The following FBXW5 variants were observed in gnomAD, a reference collection of about 807,000 sequenced individuals.
FBXW5 encodes F-box/WD repeat-containing protein 5.
A neutral mutation model predicts 50.9 loss-of-function variants in FBXW5; 74 were observed. The ratio of observed to expected loss-of-function variants is 1.45; its 90% CI spans 1.20 to 1.76. FBXW5 has a LOEUF of 1.76. Ranked by LOEUF, FBXW5 falls within the 40% of genes most tolerant of loss-of-function variation. FBXW5 has a pLI of 0.00. For synonymous variants in FBXW5, 523 were observed against 362.2 expected (o/e 1.44, Z -5.04); for missense variants, 1,073 against 818.8 (o/e 1.31, Z -3.79).
At chr9:136,943,795 G>A in intron 2 of FBXW5, 96 bp downstream of exon 2, 1 of 1,352,256 alleles carries the variant, frequency 7.4e-7, no homozygotes, top group Middle Eastern at 2.5e-4. Flanking sequence ...GGACACGCGG[G>A]GCCGCGGGGC....
Position 136,940,777 on chromosome 9 carries a change from GGTTT to G in FBXW5, c.*147_*150del. On this transcript the variant is annotated 3_prime_UTR_variant, in exon 9 of 9. Coordinates refer to ENST00000325285, the MANE Select transcript of FBXW5 (RefSeq NM_018998.4). Reference sequence around the variant, plus strand: ...GCCAAGCATCACAGCTGCGTGAGCAGGTTTGTGTGTGAGCGTGTGGCGGGGCCTG... The same window carrying G: ...GCCAAGCATCACAGCTGCGTGAGCAGGTGTGTGAGCGTGTGGCGGGGCCTG... The G allele has an allele frequency of 8.0e-7, 1 of 1,248,456 alleles. No individual in the cohort carries two copies. The highest frequency in any genetic ancestry group is 1.1e-6 in the Non-Finnish European group (1 of 921,526). The allele number at this position is 1,248,456 out of a possible 1,614,324, so 77.3% of individuals were successfully genotyped here.
chr9:136,944,228 G>A lies in FBXW5; in HGVS notation c.-23-122C>T, dbSNP rs572084675. On this transcript the variant is annotated intron_variant, in intron 1 of 8. Transcript: ENST00000325285. ...TCCACGGGGCTGCGTGTCTGCAGGGGACGCCCGGGTACCGCCGCCCAACCA... is the reference window on the plus strand; with the variant it reads ...TCCACGGGGCTGCGTGTCTGCAGGGAACGCCCGGGTACCGCCGCCCAACCA... 1.2e-5 allele frequency: 14 copies of A among 1,152,508 alleles called. No homozygotes were observed. In the East Asian group the frequency reaches 3.6e-4, roughly 30 times the overall value. The allele number at this position is 1,152,508 out of a possible 1,614,324, so 71.4% of individuals were successfully genotyped here.
At chr9:136,944,529 C>T (rs1416407249) in intron 1 of FBXW5, 65 bp downstream of exon 1, 22 of 984,114 alleles carry the variant, frequency 2.2e-5, no homozygotes, top group Non-Finnish European at 2.7e-5. Context: ...CTCGGGGCTC[C>T]TGCACTCGCC....
At chr9:136,944,399 G>A (rs1850951731) in intron 1 of FBXW5, 195 bp downstream of exon 1, 1 of 775,874 alleles carries the variant, frequency 1.3e-6, no homozygotes, top group Non-Finnish European at 1.6e-6. Flanking sequence ...CGCCGTCCGG[G>A]GACGGGCTTC....
Position 136,943,955 on chromosome 9 carries a change from C to G in FBXW5, c.129G>C (p.Glu43Asp). The G allele has an allele frequency of 6.4e-7, 1 of 1,560,336 alleles. No individual in the cohort carries two copies. Among genetic ancestry groups the G allele is most frequent in the Non-Finnish European group, 8.7e-7 (1 of 1,153,322 alleles). Residue 43 changes from glutamate to aspartate, a missense_variant, in exon 2 of 9, where the codon GAG (glutamate) becomes GAC (aspartate). Coordinates refer to ENST00000325285, the MANE Select transcript of FBXW5 (RefSeq NM_018998.4). ...CRQWQAVSRD[E>D]FLWREQFYRY... is the part of the protein sequence containing the mutation. The stretch of plus-strand genomic sequence containing the variant: ...GGTAGAACTGCTCCCTCCACAGGAA[C>G]TCGTCCCGCGACACGGCCTGCCATT...
At chr9:136,943,857 CAGAACG>C in intron 2 of FBXW5, 28 bp downstream of exon 2, 1 of 1,545,526 alleles carries the variant, frequency 6.5e-7, no homozygotes, top group Non-Finnish European at 8.7e-7. Context: ...GCCCTGGCTG[CAGAACG>C]TGGGTAGGGG....
rs1160846275 is a variant in FBXW5 at position 136,943,456 on chromosome 9, A to G, written c.244T>C (p.Cys82Arg). 3 of 1,612,794 alleles carry G rather than the reference A, an allele frequency of 1.9e-6. No homozygotes were observed. Among genetic ancestry groups the G allele is most frequent in the Non-Finnish European group, 2.5e-6 (3 of 1,179,926 alleles). The change falls in exon 3 of 9, where the codon TGC becomes CGC. Residue 82 changes from cysteine (C) to arginine (R), a missense_variant. Cys to Arg is a radical substitution (Grantham distance 180). Transcript: ENST00000325285. The stretch of plus-strand genomic sequence containing the variant: ...TCCCGCAGCGTCTGCACCTCCACGC[A>G]GGGCACCGTGTCATACAGCCGCTGG... ...EFQRLYDTVP[C>R]VEVQTLREHT...
At chr9:136,943,779 G>T (rs1185713435) in intron 2 of FBXW5, 112 bp downstream of exon 2, 16 of 1,243,956 alleles carry the variant, frequency 1.3e-5, no homozygotes, top group Admixed American at 2.4e-5. Context: ...GTGGGGGGGT[G>T]AGCATGGACA....
Position 136,940,906 on chromosome 9 carries a change from G to A in FBXW5, c.*22C>T, listed in dbSNP as rs1446920272. ...GCGATGTCCTCAAGGGGTCCCGGTG[G>A]CTCCAGTGCACCCAGCACACCTCAG... On this transcript the variant is annotated 3_prime_UTR_variant, in exon 9 of 9. Transcript: ENST00000325285. The A allele has an allele frequency of 8.3e-6, 13 of 1,571,260 alleles. No individual in the cohort carries two copies. Among genetic ancestry groups the A allele is most frequent in the African/African-American group, 1.3e-5 (1 of 74,090 alleles).
chr9:136,942,101 C>T lies in FBXW5; in HGVS notation c.1041G>A (p.Lys347=). The T allele has an allele frequency of 6.2e-7, 1 of 1,612,932 alleles. No homozygotes were observed. Among genetic ancestry groups the T allele is most frequent in the South Asian group, 1.1e-5 (1 of 90,874 alleles). The part of the protein sequence containing the change: ...KPPERSATGA[K]SKYLIFTTGC... ...CAGTGGTGAAGATGAGGTACTTGCT[C>T]TTGGCGCCTGTGGCACTGCGCTCGG... The change falls in exon 6 of 9, where the codon AAG becomes AAA. Residue 347 remains lysine (K), a synonymous_variant. Coordinates refer to ENST00000325285, the MANE Select transcript of FBXW5 (RefSeq NM_018998.4).
chr9:136,943,864 T>G (rs1013966737), intron 2 of FBXW5, 27 bp downstream of exon 2: 1 of 1,546,894 alleles, frequency 6.5e-7, no homozygotes, highest in Non-Finnish European at 8.7e-7. Flanking sequence ...CTGCAGAACG[T>G]GGGTAGGGGC....
intron 6 of FBXW5, 63 bp from the exon 7 acceptor site, chr9:136,941,747 C>T: frequency 6.9e-7 from 1 of 1,448,124 alleles, no homozygotes; most frequent in Non-Finnish European, 9.3e-7. Context: ...TCCAGGGCAG[C>T]TTCCTACCTC....
rs185264848 is a variant in FBXW5, at chr9:136,941,719, A to G, written c.1097-35T>C. 155 of 1,538,824 alleles carry G rather than the reference A, an allele frequency of 1.0e-4. No homozygotes were observed. The African/African-American group carries it at 1.1e-3, about 11-fold the overall frequency. On this transcript the variant is annotated intron_variant, in intron 6 of 8. Coordinates refer to ENST00000325285, the MANE Select transcript of FBXW5 (RefSeq NM_018998.4). Reference sequence around the variant, plus strand: ...GGGCTACGGTGAGGGTCCCTGTCCAATGCCCCAAGGACATCACTCCAGGGC... The same window carrying G: ...GGGCTACGGTGAGGGTCCCTGTCCAGTGCCCCAAGGACATCACTCCAGGGC...
intron 3 of FBXW5, 96 bp downstream of exon 3, chr9:136,943,253 C>CA: frequency 8.4e-7 from 1 of 1,196,062 alleles, no homozygotes; most frequent in Non-Finnish European, 1.2e-6. Flanking sequence ...GACCCACCCC[C>CA]CCCCCCACCA....
In FBXW5 at chr9:136,943,342, T is replaced by C; in HGVS notation, c.351+7A>G. On this transcript the variant is annotated splice_region_variant and intron_variant, in intron 3 of 8. Transcript: ENST00000325285. ...GTGGGGTGTGCAGGACACCTGGCCG[T>C]CCTCACCTTCACAGTGCAGTCCTTG... The C allele has an allele frequency of 6.3e-7, 1 of 1,583,270 alleles. No individual in the cohort carries two copies. Among genetic ancestry groups the C allele is most frequent in the South Asian group, 1.1e-5 (1 of 90,630 alleles).
chr9:136,940,651 C>G lies in FBXW5; in HGVS notation c.*277G>C. 1 of 489,128 alleles carries G rather than the reference C, an allele frequency of 2.0e-6. No individual in the cohort carries two copies. Among genetic ancestry groups the G allele is most frequent in the South Asian group, 2.2e-5 (1 of 46,178 alleles). 30.3% of individuals were successfully genotyped at this position (489,128 alleles called of 1,614,324 possible). A position where few individuals can be genotyped will look rare whatever the true frequency, so the allele number is the denominator to read the frequency against. ...CCAGCTGGGTCAGGTGTACCCCTAG[C>G]CTGGGGTTGAGTGAGGAGCGGCACC... On this transcript the variant is annotated 3_prime_UTR_variant, in exon 9 of 9. Coordinates refer to ENST00000325285, the MANE Select transcript of FBXW5 (RefSeq NM_018998.4).
At chr9:136,941,958 C>A in intron 6 of FBXW5, 88 bp downstream of exon 6, 1 of 1,468,894 alleles carries the variant, frequency 6.8e-7, no homozygotes, top group Non-Finnish European at 9.0e-7. Context: ...TGCCTGTGGA[C>A]TTGCTTGCTG....
In FBXW5 at chr9:136,943,897, G is replaced by A; in HGVS notation, c.187C>T (p.His63Tyr). Residue 63 changes from histidine to tyrosine, a missense_variant, in exon 2 of 9, where the codon CAC (histidine) becomes TAC (tyrosine). Coordinates refer to ENST00000325285, the MANE Select transcript of FBXW5 (RefSeq NM_018998.4). ...GGCCCCACACGCCACTGACCTGGGT[G>A]TCGGGGCACGTCGCGGGCCACCTGG... ...YYQVARDVPR[H>Y]PAAMSWYEEF... The A allele has an allele frequency of 6.5e-7, 1 of 1,549,888 alleles. No individual in the cohort carries two copies. The highest frequency in any genetic ancestry group is 1.2e-5 in the South Asian group (1 of 84,066).
At position 136,940,477 on chromosome 9, in the gene FBXW5, C is replaced by T. The variant is rs1010728747; in HGVS notation, c.*451G>A. Reference sequence around the variant, plus strand: ...TATTCAGGGCCCTGAACGGGTGGTGCGTGGACATGCAACACACTCGGGCCC... The same window carrying T: ...TATTCAGGGCCCTGAACGGGTGGTGTGTGGACATGCAACACACTCGGGCCC... On this transcript the variant is annotated 3_prime_UTR_variant, in exon 9 of 9. Coordinates refer to ENST00000325285, the MANE Select transcript of FBXW5 (RefSeq NM_018998.4). 4.2e-5 allele frequency: 10 copies of T among 238,220 alleles called. No homozygotes were observed. Among genetic ancestry groups the T allele is most frequent in the South Asian group, 3.0e-4 (5 of 16,878 alleles). 14.8% of individuals were successfully genotyped at this position (238,220 alleles called of 1,614,324 possible). A position where few individuals can be genotyped will look rare whatever the true frequency, so the allele number is the denominator to read the frequency against.
Sources: allele counts gnomAD v4.1 joint callset, GRCh38; gene constraint gnomAD v4.1.1; transcripts MANE v1.5; gene names NCBI Gene and HGNC (gene_info 2026-07-23, HGNC 2026-07-21).